The following MGST2 variants were observed in gnomAD, a reference collection of about 807,000 sequenced individuals.
The protein encoded by MGST2 is microsomal glutathione S-transferase 2.
A neutral mutation model predicts 16.6 loss-of-function variants in MGST2; 9 were observed. The observed-to-expected ratio is 0.54, with a 90% CI of 0.33 to 0.95. MGST2 has a LOEUF of 0.95. Ranked by LOEUF, MGST2 falls within the 40% of genes least tolerant of loss-of-function variation. The pLI is 0.03. For missense variants in MGST2, 159 were observed against 175.1 expected, an observed-to-expected ratio of 0.91 and a Z score of 0.52; for synonymous variants, 79 against 68.0, an observed-to-expected ratio of 1.16 and a Z score of -0.79.
intron 2 of MGST2, among the ~76,000 whole-genome samples, chr4:139,690,098 T>G (rs1726484364): frequency 6.6e-6 from 1 of 152,126 alleles, no homozygotes; most frequent in Admixed American, 6.6e-5. Context: ...TTCAAGCGAT[T>G]CTTCTGCCTC....
downstream of MGST2, among the ~76,000 whole-genome samples, chr4:139,743,297 A>T (rs2111027400): frequency 6.6e-6 from 1 of 152,308 alleles, no homozygotes; most frequent in South Asian, 2.1e-4. Flanking sequence ...GGACAGGGAG[A>T]TCTAACCTGC....
intron 5 of MGST2, among the ~76,000 whole-genome samples, chr4:139,721,905 G>C (rs562684319): frequency 6.6e-6 from 1 of 152,194 alleles, no homozygotes; most frequent in Non-Finnish European, 1.5e-5. Flanking sequence ...ATTTTTATCG[G>C]CTGCATGGCC....
At chr4:139,753,167 A>C in the MGST2 span, among the ~76,000 whole-genome samples, 1 of 152,174 alleles carries the variant, frequency 6.6e-6, no homozygotes, top group Non-Finnish European at 1.5e-5. Flanking sequence ...TAAAATATAC[A>C]TAACATAAAA....
intron 5 of MGST2, among the ~76,000 whole-genome samples, chr4:139,739,881 G>C (rs11728144): frequency 0.41 from 61,717 of 151,744 alleles, 13,557 homozygotes; most frequent in South Asian, 0.57. Context: ...TTAAGAATAA[G>C]GCTAAACTAT....
At chr4:139,739,548 G>C (rs1465622776) in intron 5 of MGST2, among the ~76,000 whole-genome samples, 1 of 152,048 alleles carries the variant, frequency 6.6e-6, no homozygotes, top group Non-Finnish European at 1.5e-5. Flanking sequence ...ATAGAAGCTT[G>C]ATTAAATAAA....
intron 5 of MGST2, among the ~76,000 whole-genome samples, chr4:139,713,907 C>T (rs959868149): frequency 6.6e-6 from 1 of 152,200 alleles, no homozygotes; most frequent in African/African-American, 2.4e-5. Flanking sequence ...AGCGTGGTCT[C>T]CAGTTCCTTT....
the MGST2 span, among the ~76,000 whole-genome samples, chr4:139,753,341 AATCTATCTATCTATCT>A: frequency 1.8e-3 from 261 of 146,688 alleles, 1 homozygote; most frequent in African/African-American, 6.1e-3. Context: ...TTTTCTTTTT[AATCTATCTATCTATCT>A]ATCTATCTAT....
chr4:139,731,779 C>CA (rs531357820), intron 5 of MGST2, among the ~76,000 whole-genome samples: 38 of 152,288 alleles, frequency 2.5e-4, no homozygotes, highest in African/African-American at 9.1e-4. Context: ...CCTAATTCCA[C>CA]ACAGCCCAGG....
At chr4:139,716,556 A>G (rs891236992) in intron 5 of MGST2, among the ~76,000 whole-genome samples, 2 of 129,936 alleles carry the variant, frequency 1.5e-5, no homozygotes, top group African/African-American at 6.7e-5. Context: ...TGCGGCAGTA[A>G]ATTCAGAAAG....
intron 5 of MGST2, chr4:139,720,454 G>T: frequency 2.5e-6 from 2 of 808,668 alleles, no homozygotes; most frequent in East Asian, 2.9e-5. Context: ...TAATAAATCT[G>T]TAACAAAAAT....
chr4:139,719,987 C>T (rs752238688), intron 5 of MGST2: 20 of 1,613,968 alleles, frequency 1.2e-5, no homozygotes, highest in Non-Finnish European at 1.5e-5. Context: ...CACCAGCATG[C>T]TCTGACCAAA....
At chr4:139,730,627 A>G (rs773827696) in intron 5 of MGST2, 1 of 1,613,266 alleles carries the variant, frequency 6.2e-7, no homozygotes, top group Admixed American at 1.7e-5. Flanking sequence ...GGAGGACTGC[A>G]TGGGGCCTGT....
At chr4:139,737,993 A>G (rs1421792617) in intron 5 of MGST2, among the ~76,000 whole-genome samples, 1 of 152,260 alleles carries the variant, frequency 6.6e-6, no homozygotes, top group African/African-American at 2.4e-5. Flanking sequence ...TTGGGGCCCA[A>G]TGCGAAGGCT....
At chr4:139,678,759 A>G in intron 2 of MGST2, 117 bp downstream of exon 2, 2 of 829,804 alleles carry the variant, frequency 2.4e-6, no homozygotes, top group East Asian at 5.3e-5. Flanking sequence ...TCTAGTTATA[A>G]CAAGTCACTC....
chr4:139,674,222 G>C (rs1456643923), intron 1 of MGST2, among the ~76,000 whole-genome samples: 1 of 152,204 alleles, frequency 6.6e-6, no homozygotes, highest in Non-Finnish European at 1.5e-5. Flanking sequence ...GGAGACATGA[G>C]ACATCAATTC....
intron 5 of MGST2, among the ~76,000 whole-genome samples, chr4:139,720,878 C>A (rs1164945972): frequency 6.6e-6 from 1 of 152,160 alleles, no homozygotes; most frequent in Non-Finnish European, 1.5e-5. Flanking sequence ...TCAATAAAGA[C>A]CATTAGACTA....
intron 5 of MGST2, chr4:139,740,142 C>G (rs1337307426): frequency 1.3e-5 from 2 of 152,210 alleles, no homozygotes; most frequent in Non-Finnish European, 2.9e-5. Context: ...TCCAAGAATT[C>G]TTTGGTCTAC....
intron 2 of MGST2, among the ~76,000 whole-genome samples, chr4:139,682,004 A>G (rs1257531230): frequency 3.9e-5 from 6 of 152,150 alleles, no homozygotes; most frequent in Admixed American, 3.9e-4. Context: ...CAGCCTGGGC[A>G]ACATAGCAAG....
At chr4:139,720,210 G>A (rs372312963) in intron 5 of MGST2, 4 of 1,613,790 alleles carry the variant, frequency 2.5e-6, no homozygotes, top group Non-Finnish European at 2.5e-6. Context: ...ATCGTCCCAG[G>A]GTTCTGGGAG....
Sources: allele counts gnomAD v4.1 joint callset (sites outside exome capture counted in the v4.1 genomes callset), GRCh38; gene constraint gnomAD v4.1.1; transcripts MANE v1.5; gene names NCBI Gene and HGNC (gene_info 2026-07-23, HGNC 2026-07-21).